CCDC15: variants seen among roughly 807,000 people sequenced by gnomAD.
CCDC15 encodes coiled-coil domain-containing protein 15.
In CCDC15, 105 loss-of-function variants were observed where a neutral mutation model predicts 114.5. That is an observed-to-expected ratio of 0.92 (90% CI 0.78 to 1.08). The LOEUF (loss-of-function observed/expected upper bound fraction) is 1.08. CCDC15 is among the 50% of genes least tolerant of loss of function. The pLI is 0.00. For missense variants in CCDC15, 1,105 were observed against 1,093.6 expected (o/e 1.01, Z -0.15); for synonymous variants, 334 against 377.8 (o/e 0.88, Z 1.34).
intron 11 of CCDC15, among the ~76,000 whole-genome samples, 169 bp from the exon 12 acceptor site, chr11:125,003,674 TTTGGTTACTTCCTTCTGAAACGGC>T (rs1284911443): frequency 2.6e-5 from 4 of 152,038 alleles, no homozygotes; most frequent in African/African-American, 7.2e-5. Flanking sequence ...TTATTTTATG[TTTGGTTACTTCCTTCTGAAACGGC>T]TTCCTTTCAT....
chr11:124,971,395 C>T (rs1049075234), intron 4 of CCDC15, among the ~76,000 whole-genome samples: 4 of 152,164 alleles, frequency 2.6e-5, no homozygotes, highest in African/African-American at 9.7e-5. Flanking sequence ...CACAGCTCCT[C>T]GCCAGCAACA....
chr11:124,975,035 G>C (rs530567687), intron 4 of CCDC15, 61 bp from the exon 5 acceptor site: 2 of 1,013,884 alleles, frequency 2.0e-6, no homozygotes, highest in East Asian at 5.4e-5. Context: ...GGAACACTTA[G>C]TGCATTTGGA....
intron 4 of CCDC15, among the ~76,000 whole-genome samples, chr11:124,967,812 G>A (rs1379884134): frequency 6.6e-6 from 1 of 152,198 alleles, no homozygotes; most frequent in African/African-American, 2.4e-5. Flanking sequence ...TACAGATGGA[G>A]TTTTGGTGTG....
Position 125,004,314 on chromosome 11 carries a change from T to C in CCDC15, c.2307+355T>C, listed in dbSNP as rs1051110048. On this transcript the variant is annotated intron_variant, in intron 12 of 15. Coordinates refer to ENST00000344762, the MANE Select transcript of CCDC15 (RefSeq NM_025004.3). Reference sequence around the variant, plus strand: ...AACCGATAGTTCTTAACCCTGGCCATGCACCAGAATCAGATGGGGAGCTTT... The same window carrying C: ...AACCGATAGTTCTTAACCCTGGCCACGCACCAGAATCAGATGGGGAGCTTT... Among the ~76,000 whole-genome samples the C allele has an allele frequency of 5.3e-5, 8 of 151,930 alleles. 1 individual carries two copies. The South Asian group carries it at 1.5e-3, about 28-fold the overall frequency.
intron 2 of CCDC15, among the ~76,000 whole-genome samples, chr11:124,958,793 G>A (rs1565351855): frequency 6.6e-6 from 1 of 152,170 alleles, no homozygotes; most frequent in East Asian, 1.9e-4. Context: ...GGAGCATAAT[G>A]CCAAATATGA....
At chr11:125,027,837 A>T (rs1236905554) in intron 13 of CCDC15, among the ~76,000 whole-genome samples, 1 of 150,272 alleles carries the variant, frequency 6.7e-6, no homozygotes, top group African/African-American at 2.5e-5. Flanking sequence ...AGTTTTTTTG[A>T]TGTTATCTTT....
rs528303313 is a variant in CCDC15, at chr11:125,038,838, G to A, written c.2586-83G>A. The A allele has an allele frequency of 7.0e-5, 102 of 1,464,578 alleles. No homozygotes were observed. The East Asian group carries it at 2.3e-3, about 33-fold the overall frequency. The allele number at this position is 1,464,578 out of a possible 1,614,324, so 90.7% of individuals were successfully genotyped here. On this transcript the variant is annotated intron_variant, in intron 14 of 15. Transcript: ENST00000344762. ...CCAGAGATACGGAATAGATTTAACA[G>A]TTAAATCTGGCTGTAAAATCAGGAT...
At chr11:124,961,535 T>G (rs1021922093) in intron 4 of CCDC15, among the ~76,000 whole-genome samples, 12 of 152,194 alleles carry the variant, frequency 7.9e-5, no homozygotes, top group Admixed American at 7.9e-4. Flanking sequence ...TTTGTTTTTC[T>G]TAGAGACGGA....
chr11:125,009,414 A>G (rs1328315762), intron 13 of CCDC15, among the ~76,000 whole-genome samples: 5 of 152,230 alleles, frequency 3.3e-5, no homozygotes, highest in Non-Finnish European at 7.3e-5. Context: ...TACTATAACA[A>G]AATTGTTATA....
At chr11:124,989,333 A>G (rs1948230971) in intron 8 of CCDC15, among the ~76,000 whole-genome samples, 1 of 152,212 alleles carries the variant, frequency 6.6e-6, no homozygotes, top group South Asian at 2.1e-4. Flanking sequence ...ATTCTGTAAA[A>G]CATGCTGTAA....
intron 11 of CCDC15, among the ~76,000 whole-genome samples, chr11:124,995,402 G>A (rs1948348316): frequency 6.6e-6 from 1 of 152,028 alleles, no homozygotes; most frequent in African/African-American, 2.4e-5. Flanking sequence ...TTTCCCACTA[G>A]CCCATAAGCT....
At chr11:124,997,592 A>G (rs1948395142) in intron 11 of CCDC15, among the ~76,000 whole-genome samples, 1 of 152,146 alleles carries the variant, frequency 6.6e-6, no homozygotes, top group Non-Finnish European at 1.5e-5. Context: ...CCTGGCCATC[A>G]TTTTAGAGAA....
intron 6 of CCDC15, among the ~76,000 whole-genome samples, chr11:124,982,958 A>G (rs1289561759): frequency 6.6e-6 from 1 of 152,084 alleles, no homozygotes; most frequent in Non-Finnish European, 1.5e-5. Flanking sequence ...CTTTTTATAT[A>G]CTTCCATATT....
chr11:124,979,585 G>A (rs116973683), intron 6 of CCDC15, among the ~76,000 whole-genome samples: 5,973 of 151,974 alleles, frequency 0.039, 144 homozygotes, highest in Middle Eastern at 0.092. Context: ...CTTAGCTTGG[G>A]TATTGTTGGT....
chr11:125,010,469 T>G (rs557080199), intron 13 of CCDC15, among the ~76,000 whole-genome samples: 1 of 152,116 alleles, frequency 6.6e-6, no homozygotes, highest in South Asian at 2.1e-4. Flanking sequence ...TTCAAGTGAT[T>G]CTCGTGCCTA....
intron 13 of CCDC15, among the ~76,000 whole-genome samples, chr11:125,024,080 A>G (rs1170229427): frequency 6.6e-6 from 1 of 152,062 alleles, no homozygotes; most frequent in Non-Finnish European, 1.5e-5. Flanking sequence ...GTATCTCAAC[A>G]TTAAAAATGA....
At chr11:125,027,508 CAT>C in intron 13 of CCDC15, among the ~76,000 whole-genome samples, 1 of 151,974 alleles carries the variant, frequency 6.6e-6, no homozygotes. Flanking sequence ...AGCATTTTTT[CAT>C]ATGTTTGTTG....
At chr11:124,980,622 C>G (rs1355663395) in intron 6 of CCDC15, among the ~76,000 whole-genome samples, 1 of 152,140 alleles carries the variant, frequency 6.6e-6, no homozygotes, top group Admixed American at 6.5e-5. Context: ...GTAATGTCCC[C>G]TTTGTCATTT....
intron 4 of CCDC15, among the ~76,000 whole-genome samples, chr11:124,973,254 T>C (rs377342929): frequency 6.6e-6 from 1 of 152,178 alleles, no homozygotes; most frequent in Non-Finnish European, 1.5e-5. Context: ...TATTTCAAAT[T>C]TGTTACAATG....
Sources: gnomAD v4.1 joint callset for allele counts (sites outside exome capture counted in the v4.1 genomes callset) on GRCh38, gnomAD v4.1.1 for gene constraint, MANE v1.5 for transcripts, NCBI Gene and HGNC (gene_info 2026-07-23, HGNC 2026-07-21) for gene names.